GMDS: variants seen among roughly 807,000 people sequenced by gnomAD.
The protein encoded by GMDS is GDP-mannose 4,6 dehydratase.
In GMDS, 20 loss-of-function variants were observed where a neutral mutation model predicts 49.9. That is an observed-to-expected ratio of 0.40 (90% CI 0.28 to 0.58). The LOEUF (loss-of-function observed/expected upper bound fraction) is 0.58, where lower values mean the gene tolerates loss of function less well. GMDS is among the 20% of genes least tolerant of loss of function. GMDS has a pLI of 0.42. For synonymous variants in GMDS, 177 were observed against 178.6 expected (o/e 0.99, Z 0.07); for missense variants, 362 against 481.4 (o/e 0.75, Z 2.32).
chr6:1,925,839 C>T (rs140369780), intron 7 of GMDS, among the ~76,000 whole-genome samples: 121 of 152,256 alleles, frequency 7.9e-4, no homozygotes, highest in African/African-American at 2.9e-3. Flanking sequence ...CTGCATTTCC[C>T]AAGACCACCC....
rs529781698 is a variant in GMDS, at chr6:2,090,602, A to G, written c.345+25169T>C. 5.3e-5 allele frequency among the ~76,000 whole-genome samples: 8 copies of G among 152,340 alleles called. No individual in the cohort carries two copies. The South Asian group carries it at 1.4e-3, about 28-fold the overall frequency. ...TTTAAAATTGCTTTCTAGGATTCCA[A>G]TCATAAGCTAGAACAACAACGACAA... On this transcript the variant is annotated intron_variant, in intron 4 of 10. Transcript: ENST00000380815.
intron 7 of GMDS, among the ~76,000 whole-genome samples, chr6:1,829,638 C>T (rs1453835079): frequency 6.6e-6 from 1 of 152,192 alleles, no homozygotes; most frequent in Non-Finnish European, 1.5e-5. Context: ...TGGGGTTCTG[C>T]CATGTTGGCT....
intron 1 of GMDS, among the ~76,000 whole-genome samples, chr6:2,151,541 G>A (rs1453487887): frequency 6.6e-6 from 1 of 151,948 alleles, no homozygotes; most frequent in East Asian, 1.9e-4. Flanking sequence ...GTAAATTCTT[G>A]TAATCAGTTT....
intron 4 of GMDS, among the ~76,000 whole-genome samples, chr6:2,019,031 G>A (rs550116082): frequency 6.6e-6 from 1 of 152,028 alleles, no homozygotes; most frequent in South Asian, 2.1e-4. Context: ...CACCCCAGTA[G>A]ATGTGAAATG....
intron 4 of GMDS, among the ~76,000 whole-genome samples, chr6:2,103,639 C>T (rs566158944): frequency 9.2e-5 from 14 of 152,226 alleles, no homozygotes; most frequent in African/African-American, 1.7e-4. Context: ...AACTCACTTC[C>T]GAATCTCAGT....
chr6:1,824,794 A>G (rs1206714478), intron 7 of GMDS, among the ~76,000 whole-genome samples: 2 of 152,176 alleles, frequency 1.3e-5, no homozygotes, highest in Non-Finnish European at 2.9e-5. Flanking sequence ...TAAGTGCTCA[A>G]TATTTTTTAG....
chr6:1,645,224 G>A (rs1026329264), intron 9 of GMDS, among the ~76,000 whole-genome samples: 8 of 151,458 alleles, frequency 5.3e-5, no homozygotes, highest in African/African-American at 1.9e-4. Context: ...ATGAGCCACC[G>A]CGCCCAGCCT....
At chr6:2,243,910 AGTACAGTGGTACCATCATT>A (rs1157249968) in intron 1 of GMDS, among the ~76,000 whole-genome samples, 3 of 117,594 alleles carry the variant, frequency 2.6e-5, no homozygotes, top group Middle Eastern at 9.8e-3. Context: ...CCCAGGCTGG[AGTACAGTGGTACCATCATT>A]GCTCACTGCA....
chr6:1,806,816 G>A (rs1561816543), intron 7 of GMDS, among the ~76,000 whole-genome samples: 1 of 152,058 alleles, frequency 6.6e-6, no homozygotes. Flanking sequence ...ACCAACTAAT[G>A]GTTCTTCCTC....
In GMDS at chr6:2,191,530, C is replaced by T. The variant is rs1042941915; in HGVS notation, c.102+53791G>A. ...TCTTGGGGGCCCTGGAAGGCCCCCGCCTTGCCCTTGCAGGCTCGGAGGTGC... is the reference window on the plus strand; with the variant it reads ...TCTTGGGGGCCCTGGAAGGCCCCCGTCTTGCCCTTGCAGGCTCGGAGGTGC... On this transcript the variant is annotated intron_variant, in intron 1 of 10. Transcript: ENST00000380815. The surrounding 1 kb of genome is among the most constrained non-coding windows in gnomAD (Gnocchi z 4.6). 7.2e-5 allele frequency among the ~76,000 whole-genome samples: 11 copies of T among 152,232 alleles called. No individual in the cohort carries two copies. Among genetic ancestry groups the T allele is most frequent in the African/African-American group, 2.4e-4 (10 of 41,460 alleles).
At chr6:2,215,884 T>C (rs1003467106) in intron 1 of GMDS, among the ~76,000 whole-genome samples, 1 of 152,188 alleles carries the variant, frequency 6.6e-6, no homozygotes, top group Non-Finnish European at 1.5e-5. Flanking sequence ...GGTTGTGTAG[T>C]TACTTTTTCA....
chr6:2,240,283 TA>T (rs1253934884), intron 1 of GMDS, among the ~76,000 whole-genome samples: 2 of 152,214 alleles, frequency 1.3e-5, no homozygotes, highest in African/African-American at 2.4e-5. Flanking sequence ...CTTCCTTTCC[TA>T]AAAGTCAAGA....
At chr6:2,165,947 TA>T (rs964227370) in intron 1 of GMDS, among the ~76,000 whole-genome samples, 8 of 150,174 alleles carry the variant, frequency 5.3e-5, no homozygotes, top group African/African-American at 1.0e-4. Flanking sequence ...AAAATAAAGA[TA>T]AAAAAAAGAA....
chr6:1,683,593 C>T (rs933916073), intron 9 of GMDS, among the ~76,000 whole-genome samples: 1 of 152,198 alleles, frequency 6.6e-6, no homozygotes, highest in Admixed American at 6.5e-5. Context: ...GACCACTGCC[C>T]TCATGGCTTT....
chr6:2,051,682 T>A (rs937726461), intron 4 of GMDS, among the ~76,000 whole-genome samples: 1 of 152,218 alleles, frequency 6.6e-6, no homozygotes, highest in African/African-American at 2.4e-5. Context: ...TATTTTTGTA[T>A]TCTTTGGAAG....
intron 7 of GMDS, among the ~76,000 whole-genome samples, chr6:1,926,344 T>A (rs12190222): frequency 0.026 from 3,909 of 152,266 alleles, 162 homozygotes; most frequent in East Asian, 0.18. Flanking sequence ...CACCCCTAGA[T>A]ACTGCTGTGG....
chr6:1,737,043 A>C (rs146678332), intron 8 of GMDS, among the ~76,000 whole-genome samples: 1 of 152,202 alleles, frequency 6.6e-6, no homozygotes, highest in Non-Finnish European at 1.5e-5. Context: ...ATCCATCAGG[A>C]AACAGTGTCA....
At chr6:1,636,711 C>G (rs1000737823) in intron 9 of GMDS, among the ~76,000 whole-genome samples, 2 of 152,232 alleles carry the variant, frequency 1.3e-5, no homozygotes, top group African/African-American at 4.8e-5. Flanking sequence ...GGCTGCCACA[C>G]AGGCAGCCCT....
intron 6 of GMDS, chr6:1,951,911 T>C (rs1763358179): frequency 3.0e-6 from 3 of 985,406 alleles, no homozygotes; most frequent in African/African-American, 1.7e-5. Context: ...CGTTTCCAAC[T>C]TGTCCACTTG....
Sources: allele counts gnomAD v4.1 joint callset (sites outside exome capture counted in the v4.1 genomes callset), GRCh38; gene constraint gnomAD v4.1.1; non-coding constraint Gnocchi (gnomAD v3.1); transcripts MANE v1.5; gene names NCBI Gene and HGNC (gene_info 2026-07-23, HGNC 2026-07-21).